The following COG5 variants were observed in gnomAD, a reference collection of about 807,000 sequenced individuals.
COG5 encodes conserved oligomeric Golgi complex subunit 5.
COG5 carries 86 observed loss-of-function variants against 110.4 expected under a neutral mutation model. The observed-to-expected ratio is 0.78, with a 90% CI of 0.65 to 0.93. COG5 has a LOEUF of 0.93. COG5 is among the 40% of genes least tolerant of loss of function. COG5 has a pLI of 0.00. For missense variants in COG5, 1,077 were observed against 987.0 expected (o/e 1.09, Z -1.22); for synonymous variants, 360 against 334.6 (o/e 1.08, Z -0.83).
chr7:107,287,088 G>A (rs906735203), intron 12 of COG5, among the ~76,000 whole-genome samples: 1 of 152,212 alleles, frequency 6.6e-6, no homozygotes, highest in Non-Finnish European at 1.5e-5. Flanking sequence ...AGAAAGGCTG[G>A]AGTTTATTGG....
chr7:107,312,671 A>G (rs780146796), intron 11 of COG5, among the ~76,000 whole-genome samples: 4 of 152,192 alleles, frequency 2.6e-5, no homozygotes, highest in Non-Finnish European at 4.4e-5. Flanking sequence ...AAAGACATAG[A>G]AAGAAAATTA....
At chr7:107,238,539 T>C (rs1801375096) in intron 17 of COG5, among the ~76,000 whole-genome samples, 1 of 152,206 alleles carries the variant, frequency 6.6e-6, no homozygotes, top group Admixed American at 6.5e-5. Flanking sequence ...CTGGATCATG[T>C]GGTAGTTCTG....
chr7:107,531,778 C>T (rs182660129), intron 5 of COG5, among the ~76,000 whole-genome samples: 5 of 151,752 alleles, frequency 3.3e-5, no homozygotes, highest in Admixed American at 2.6e-4. Context: ...CCATTTCGGC[C>T]AGCAGAAGCC....
intron 7 of COG5, among the ~76,000 whole-genome samples, chr7:107,373,729 G>A (rs1814390850): frequency 6.6e-6 from 1 of 152,122 alleles, no homozygotes; most frequent in Admixed American, 6.6e-5. Context: ...AAATTACCAA[G>A]CTAGAAGTTG....
At chr7:107,225,457 G>C (rs995318048) in intron 19 of COG5, among the ~76,000 whole-genome samples, 2 of 151,974 alleles carry the variant, frequency 1.3e-5, no homozygotes, top group African/African-American at 2.4e-5. Context: ...CTTAGTCAAA[G>C]ATATTTTCAT....
rs566149592 is a variant in COG5, at chr7:107,307,753, A to G, written c.1109-9407T>C. 5.9e-5 allele frequency among the ~76,000 whole-genome samples: 9 copies of G among 152,212 alleles called. No homozygotes were observed. The South Asian group carries it at 1.9e-3, about 32-fold the overall frequency. Reference sequence around the variant, plus strand: ...GAATGATATAATGGACTTTAGGGACATGATGGGGGAGAAGGGTGGGAGTGG... The same window carrying G: ...GAATGATATAATGGACTTTAGGGACGTGATGGGGGAGAAGGGTGGGAGTGG... On this transcript the variant is annotated intron_variant, in intron 11 of 21. Transcript: ENST00000297135.
chr7:107,436,898 T>C (rs1794403058), intron 6 of COG5, among the ~76,000 whole-genome samples: 1 of 152,204 alleles, frequency 6.6e-6, no homozygotes, highest in Admixed American at 6.5e-5. Context: ...GATGTATTTA[T>C]AAAGCAAATA....
intron 7 of COG5, among the ~76,000 whole-genome samples, chr7:107,390,583 C>T (rs563293576): frequency 3.4e-4 from 51 of 151,876 alleles, no homozygotes; most frequent in African/African-American, 1.2e-3. Flanking sequence ...TGTAAAGCAA[C>T]TTAAAACTAA....
chr7:107,203,011 C>G lies in COG5; in HGVS notation c.*505G>C, dbSNP rs1415659389. 6.3e-6 allele frequency: 1 copy of G among 158,686 alleles called. No individual in the cohort carries two copies. The highest frequency in any genetic ancestry group is 1.4e-5 in the Non-Finnish European group (1 of 71,998). 9.8% of individuals were successfully genotyped at this position (158,686 alleles called of 1,614,324 possible). A position where few individuals can be genotyped will look rare whatever the true frequency, so the allele number is the denominator to read the frequency against. On this transcript the variant is annotated 3_prime_UTR_variant, in exon 22 of 22. Transcript: ENST00000297135. ...AATAGTGGTGTCTGTCAGGCTCCCA[C>G]TCCTAGACATGTTAATTAATGTGGA... is the stretch of plus-strand genomic sequence containing the variant.
At chr7:107,320,238 G>A (rs1421587105) in intron 11 of COG5, among the ~76,000 whole-genome samples, 1 of 152,076 alleles carries the variant, frequency 6.6e-6, no homozygotes, top group Non-Finnish European at 1.5e-5. Context: ...ACCTTATGCT[G>A]GAATAATTAC....
intron 14 of COG5, 27 bp from the exon 15 acceptor site, chr7:107,258,410 G>A (rs768174241): frequency 4.0e-5 from 51 of 1,267,604 alleles, no homozygotes; most frequent in Non-Finnish European, 5.4e-5. Flanking sequence ...TCAAAAGAAT[G>A]TGTCAGAATG....
intron 6 of COG5, among the ~76,000 whole-genome samples, chr7:107,498,677 C>T (rs933867120): frequency 3.3e-5 from 5 of 151,954 alleles, no homozygotes; most frequent in Non-Finnish European, 5.9e-5. Context: ...AAATTGGAAT[C>T]GTTTTACACT....
intron 21 of COG5, chr7:107,208,488 A>T: frequency 1.0e-6 from 1 of 985,410 alleles, no homozygotes; most frequent in South Asian, 4.7e-5. Flanking sequence ...GTGTTCAATT[A>T]ACTGAATCCT....
chr7:107,224,760 C>A (rs182858738), intron 19 of COG5, among the ~76,000 whole-genome samples: 2 of 152,230 alleles, frequency 1.3e-5, no homozygotes, highest in Non-Finnish European at 2.9e-5. Context: ...TGGACAAAGA[C>A]GGGGTCTCTA....
At chr7:107,473,978 G>A (rs544275781) in intron 6 of COG5, 8 of 681,798 alleles carry the variant, frequency 1.2e-5, no homozygotes, top group African/African-American at 5.4e-5. Flanking sequence ...CAAAGAACAC[G>A]TTATACGTCA....
rs753297244 is a variant in COG5, at chr7:107,209,116, T to C, written c.2375+1410A>G. Reference sequence around the variant, plus strand: ...CATCATGTCAGCCCCACTCTGGCTTTAGGGAACTCAACTCATCACCTGACA... The same window carrying C: ...CATCATGTCAGCCCCACTCTGGCTTCAGGGAACTCAACTCATCACCTGACA... On this transcript the variant is annotated intron_variant, in intron 21 of 21. Transcript: ENST00000297135. The C allele has an allele frequency of 5.1e-6, 5 of 985,330 alleles. No homozygotes were observed. The Admixed American group carries it at 1.8e-4, about 36-fold the overall frequency. 61.0% of individuals were successfully genotyped at this position (985,330 alleles called of 1,614,324 possible).
At chr7:107,412,760 T>C in intron 6 of COG5, 128 bp from the exon 7 acceptor site, 1 of 632,274 alleles carries the variant, frequency 1.6e-6, no homozygotes, top group Non-Finnish European at 2.7e-6. Flanking sequence ...CCATTCAAAA[T>C]CCGTATTTTA....
At chr7:107,265,744 G>C (rs796362142) in intron 14 of COG5, among the ~76,000 whole-genome samples, 13 of 152,164 alleles carry the variant, frequency 8.5e-5, no homozygotes, top group African/African-American at 3.1e-4. Context: ...AATTATCAAA[G>C]ATCCTTCAGG....
intron 6 of COG5, among the ~76,000 whole-genome samples, chr7:107,499,681 G>C (rs896974212): frequency 6.6e-6 from 1 of 152,064 alleles, no homozygotes; most frequent in South Asian, 2.1e-4. Flanking sequence ...GTGCTAGGAG[G>C]TGTCAGCCAC....
Sources: allele counts gnomAD v4.1 joint callset (sites outside exome capture counted in the v4.1 genomes callset), GRCh38; gene constraint gnomAD v4.1.1; transcripts MANE v1.5; gene names NCBI Gene and HGNC (gene_info 2026-07-23, HGNC 2026-07-21).